Variants in DNM1 observed in about 807,000 individuals in gnomAD.
DNM1 encodes the protein dynamin 1.
Under a neutral mutation model 104.6 loss-of-function variants are expected in DNM1, and 29 were observed. The observed-to-expected ratio is 0.28, with a 90% CI of 0.21 to 0.38. The LOEUF (loss-of-function observed/expected upper bound fraction) is 0.38, where lower values mean the gene tolerates loss of function less well. Among genes scored for constraint, DNM1 ranks in the 10% least tolerant of loss-of-function variants. The probability of loss-of-function intolerance (pLI) is 1.00; values close to 1 mark genes in which losing one functional copy is unlikely to be tolerated. For missense variants in DNM1, 640 were observed against 1,189.4 expected (o/e 0.54, Z 6.79); for synonymous variants, 445 against 475.8 (o/e 0.94, Z 0.84).
In DNM1 at chr9:128,222,149, GGCCCTGT is replaced by G. The variant is rs745593935; in HGVS notation, c.850-46_850-40del. The G allele has an allele frequency of 1.9e-6, 3 of 1,571,102 alleles. No individual in the cohort carries two copies. In the East Asian group the frequency reaches 6.7e-5, roughly 35 times the overall value. ...TCCCCTGGCATCCAAGTCCCTTCCT[GGCCCTGT>G]GACCATCTGTCCTCAACCCTTTCCT... On this transcript the variant is annotated intron_variant, in intron 6 of 21. Transcript: ENST00000372923. The surrounding 1 kb of genome is among the most constrained non-coding windows in gnomAD (Gnocchi z 7.8).
Position 128,220,885 on chromosome 9 carries a change from TTTTCTTTCTTTCTTTC to T in DNM1, c.849+580_849+595del, listed in dbSNP as rs373253077. 8.6e-3 allele frequency among the ~76,000 whole-genome samples: 1,010 copies of T among 117,596 alleles called. 8 individuals are homozygous for T. Among genetic ancestry groups the T allele is most frequent in the South Asian group, 0.039 (124 of 3,178 alleles). 77.1% of individuals were successfully genotyped at this position (117,596 alleles called of 152,430 possible). ...CCTCTATTTCTTTTTTCTTTATTTGTTTTCTTTCTTTCTTTCTTTCTTTCTTTCTTTCTTTCTTTCT... is the reference window on the plus strand; with the variant it reads ...CCTCTATTTCTTTTTTCTTTATTTGTTTTCTTTCTTTCTTTCTTTCTTTCT... On this transcript the variant is annotated intron_variant, in intron 6 of 21. Transcript: ENST00000372923. The surrounding 1 kb of genome is among the most constrained non-coding windows in gnomAD (Gnocchi z 5.2).
Position 128,224,590 on chromosome 9 carries a change from C to T in DNM1, c.1335+201C>T, listed in dbSNP as rs1835230955. Among the ~76,000 whole-genome samples the T allele has an allele frequency of 6.6e-6, 1 of 152,056 alleles. No individual in the cohort carries two copies. The highest frequency in any genetic ancestry group is 6.5e-5 in the Admixed American group (1 of 15,280). ...ACCCCTGGCCCCCAGGTCTGGGGAC[C>T]CAGGGATTGGACATGGGTGAGACGG... On this transcript the variant is annotated intron_variant, in intron 10 of 21. Coordinates refer to ENST00000372923, the MANE Select transcript of DNM1 (RefSeq NM_004408.4). This position sits in a 1 kb window ranked among gnomAD's most constrained non-coding sequence, Gnocchi z 4.3.
chr9:128,214,074 C>T (rs1834464711), intron 1 of DNM1, among the ~76,000 whole-genome samples: 1 of 152,064 alleles, frequency 6.6e-6, no homozygotes. Flanking sequence ...CCTTGCCTTC[C>T]ACCTCCAGGG....
intron 15 of DNM1, among the ~76,000 whole-genome samples, chr9:128,242,546 G>A (rs192631284): frequency 5.5e-4 from 84 of 152,252 alleles, no homozygotes; most frequent in African/African-American, 1.8e-3. Flanking sequence ...GATCACCTGC[G>A]GTCAGGAGTC....
At position 128,245,919 on chromosome 9, in the gene DNM1, GCT is replaced by G. The variant is rs1392605924; in HGVS notation, c.1672-474_1672-473del. Reference sequence around the variant, plus strand: ...ACAGGCACACCATCTCCAGGCTTGTGCTGGCTGCCTTATTGCTAACACATGGG... The same window carrying G: ...ACAGGCACACCATCTCCAGGCTTGTGGGCTGCCTTATTGCTAACACATGGG... On this transcript the variant is annotated intron_variant, in intron 15 of 21. Transcript: ENST00000372923. This position sits in a 1 kb window ranked among gnomAD's most constrained non-coding sequence, Gnocchi z 5.2. 6.6e-6 allele frequency among the ~76,000 whole-genome samples: 1 copy of G among 152,242 alleles called. No individual in the cohort carries two copies. The highest frequency in any genetic ancestry group is 2.4e-5 in the African/African-American group (1 of 41,464).
chr9:128,204,739 C>T (rs765959811), intron 1 of DNM1: 1 of 152,488 alleles, frequency 6.6e-6, no homozygotes, highest in African/African-American at 2.4e-5. Context: ...ATCTCCCCCC[C>T]ATCTTCTTCA....
At position 128,221,592 on chromosome 9, in the gene DNM1, G is replaced by T. The variant is rs559004038; in HGVS notation, c.850-605G>T. On this transcript the variant is annotated intron_variant, in intron 6 of 21. Coordinates refer to ENST00000372923, the MANE Select transcript of DNM1 (RefSeq NM_004408.4). The stretch of plus-strand genomic sequence containing the variant: ...CCCTCTGGCCACCCCTGCCTCAGAC[G>T]CACGTCTAAAAATATTAAATTGGGA... Among the ~76,000 whole-genome samples the T allele has an allele frequency of 2.8e-4, 42 of 152,202 alleles. No individual in the cohort carries two copies. In the South Asian group the frequency reaches 8.7e-3, roughly 32 times the overall value.
chr9:128,252,454 G>A (rs1173777936), intron 21 of DNM1: 5 of 400,178 alleles, frequency 1.2e-5, no homozygotes, highest in African/African-American at 8.3e-5. Flanking sequence ...ATAGGCTTAC[G>A]TGGCAAGGAA....
rs765225886 is a variant in DNM1, at chr9:128,239,431, A to C, written c.1423-14A>C. 2 of 1,612,364 alleles carry C rather than the reference A, an allele frequency of 1.2e-6. No homozygotes were observed. The highest frequency in any genetic ancestry group is 1.7e-6 in the Non-Finnish European group (2 of 1,178,574). On this transcript the variant is annotated splice_polypyrimidine_tract_variant and intron_variant, in intron 11 of 21. Coordinates refer to ENST00000372923, the MANE Select transcript of DNM1 (RefSeq NM_004408.4). ...GTCTTTTGCGCTTGCCCACCAACCT[A>C]TGTATCCTTGAAGGTCATGCTTCTC...
At chr9:128,209,252 C>T (rs1218195175) in intron 1 of DNM1, among the ~76,000 whole-genome samples, 2 of 152,192 alleles carry the variant, frequency 1.3e-5, no homozygotes, top group Non-Finnish European at 2.9e-5. Context: ...TCTCCAAACC[C>T]ACACCCCACC....
Position 128,239,533 on chromosome 9 carries a change from C to G in DNM1, c.1493+18C>G. The G allele has an allele frequency of 6.2e-7, 1 of 1,606,902 alleles. No individual in the cohort carries two copies. The highest frequency in any genetic ancestry group is 8.5e-7 in the Non-Finnish European group (1 of 1,175,324). ...TTTGCCAAGTGAGTGCTCCCCCAGGCAAAAAGTGAGTGCTCCCTGGGCAGA... is the reference window on the plus strand; with the variant it reads ...TTTGCCAAGTGAGTGCTCCCCCAGGGAAAAAGTGAGTGCTCCCTGGGCAGA... On this transcript the variant is annotated intron_variant, in intron 12 of 21. Transcript: ENST00000372923.
At position 128,253,137 on chromosome 9, in the gene DNM1, G is replaced by C; in HGVS notation, c.2535-1517G>C. On this transcript the variant is annotated intron_variant, in intron 21 of 21. Coordinates refer to ENST00000372923, the MANE Select transcript of DNM1 (RefSeq NM_004408.4). The surrounding 1 kb of genome is among the most constrained non-coding windows in gnomAD (Gnocchi z 5.9). Reference sequence around the variant, plus strand: ...GTGACCCCTGAGGAGCGTCAGCCATGGTAGGTACATGCCTCACCGCCTGCT... The same window carrying C: ...GTGACCCCTGAGGAGCGTCAGCCATCGTAGGTACATGCCTCACCGCCTGCT... The C allele has an allele frequency of 6.2e-7, 1 of 1,605,930 alleles. No homozygotes were observed. Among genetic ancestry groups the C allele is most frequent in the Non-Finnish European group, 8.5e-7 (1 of 1,179,932 alleles).
chr9:128,235,323 G>A (rs1002967081), intron 11 of DNM1, among the ~76,000 whole-genome samples: 14 of 151,908 alleles, frequency 9.2e-5, no homozygotes, highest in Non-Finnish European at 1.3e-4. Flanking sequence ...GTGAAACCCC[G>A]TCTCTACTAA....
chr9:128,237,949 A>AT (rs906422846), intron 11 of DNM1, among the ~76,000 whole-genome samples: 1 of 151,092 alleles, frequency 6.6e-6, no homozygotes, highest in African/African-American at 2.4e-5. Context: ...TAATTTTTCT[A>AT]TTTTTTGTAG....
chr9:128,222,498 A>C lies in DNM1; in HGVS notation c.1030A>C (p.Ile344Leu). 1 of 1,614,150 alleles carries C rather than the reference A, an allele frequency of 6.2e-7. No homozygotes were observed. The highest frequency in any genetic ancestry group is 1.1e-5 in the South Asian group (1 of 91,088). Residue 344 changes from isoleucine to leucine, a missense_variant, in exon 8 of 22, where the codon ATT (isoleucine) becomes CTT (leucine). Physicochemically the swap from Ile to Leu is conservative, Grantham distance 5 (BLOSUM62 2). Around this residue, in one of 7 missense-constraint regions of DNM1, gnomAD observed 38 missense variants for 113.5 expected, o/e 0.33. Coordinates refer to ENST00000372923, the MANE Select transcript of DNM1 (RefSeq NM_004408.4). The surrounding 1 kb of genome is among the most constrained non-coding windows in gnomAD (Gnocchi z 7.8). ...GTTCGCCGTAGACTTTGAGAAGCGC[A>C]TTGAGGGCTCAGGAGATCAGATCGA... ...QQFAVDFEKR[I>L]EGSGDQIDTY...
chr9:128,254,623 G>GT lies in DNM1; in HGVS notation c.2535-27dup. 1 of 1,563,106 alleles carries GT rather than the reference G, an allele frequency of 6.4e-7. No homozygotes were observed. The highest frequency in any genetic ancestry group is 1.4e-5 in the African/African-American group (1 of 73,490). The stretch of plus-strand genomic sequence containing the variant: ...AGCTCTCTCCTCGCTTTTCTCTCCC[G>GT]TTTTCTCTCTGCTTTCTCTCCAACT... On this transcript the variant is annotated intron_variant, in intron 21 of 21. Transcript: ENST00000372923. This position sits in a 1 kb window ranked among gnomAD's most constrained non-coding sequence, Gnocchi z 6.1.
At chr9:128,242,785 T>C (rs1015557680) in intron 15 of DNM1, among the ~76,000 whole-genome samples, 1 of 148,688 alleles carries the variant, frequency 6.7e-6, no homozygotes, top group African/African-American at 2.5e-5. Flanking sequence ...ACGGGTGGAG[T>C]TGGGATGCAA....
chr9:128,226,754 G>T (rs896569350), intron 10 of DNM1, among the ~76,000 whole-genome samples: 16 of 152,190 alleles, frequency 1.1e-4, no homozygotes, highest in African/African-American at 3.9e-4. Flanking sequence ...AGTTGTCTGT[G>T]ACTTTTTAGA....
rs996032296 is a variant in DNM1, at chr9:128,224,051, A to G, written c.1197-200A>G. On this transcript the variant is annotated intron_variant, in intron 9 of 21. Coordinates refer to ENST00000372923, the MANE Select transcript of DNM1 (RefSeq NM_004408.4). This position sits in a 1 kb window ranked among gnomAD's most constrained non-coding sequence, Gnocchi z 4.3. ...GCGACAGAGCAAGACTCCGTCTCAA[A>G]AAAAATAACAACAACAACAAAAAAC... The G allele has an allele frequency of 1.3e-5, 8 of 624,928 alleles. No individual in the cohort carries two copies. Among genetic ancestry groups the G allele is most frequent in the Admixed American group, 3.5e-5 (1 of 28,628 alleles). The allele number at this position is 624,928 out of a possible 1,614,324, so 38.7% of individuals were successfully genotyped here. A position where few individuals can be genotyped will look rare whatever the true frequency, so the allele number is the denominator to read the frequency against.
Sources: allele counts gnomAD v4.1 joint callset (sites outside exome capture counted in the v4.1 genomes callset), GRCh38; gene constraint gnomAD v4.1.1; regional missense constraint gnomAD v4.1.1; non-coding constraint Gnocchi (gnomAD v3.1); transcripts MANE v1.5; gene names NCBI Gene and HGNC (gene_info 2026-07-23, HGNC 2026-07-21).